THOC7: variants seen among roughly 807,000 people sequenced by gnomAD.
THOC7 encodes the protein NIF3L1-binding protein 1.
A neutral mutation model predicts 33.1 loss-of-function variants in THOC7; 22 were observed. The ratio of observed to expected loss-of-function variants is 0.66; its 90% CI spans 0.47 to 0.95. The LOEUF is 0.95. Ranked by LOEUF, THOC7 falls within the 40% of genes least tolerant of loss-of-function variation. The pLI is 0.00. For missense variants in THOC7, 184 were observed against 245.3 expected, an observed-to-expected ratio of 0.75 and a Z score of 1.67; for synonymous variants, 77 against 76.8, an observed-to-expected ratio of 1.00 and a Z score of -0.01.
At chr3:63,864,250 G>T (rs1190457188), upstream of THOC7, among the ~76,000 whole-genome samples, 1 of 151,084 alleles carries the variant, frequency 6.6e-6, no homozygotes, top group African/African-American at 2.4e-5. Flanking sequence ...CCCCGGGAAG[G>T]TGACTGCGGC....
Position 63,838,412 on chromosome 3 carries a change from G to C in THOC7, c.225C>G (p.Leu75=), listed in dbSNP as rs753381899. 3.2e-6 allele frequency: 5 copies of C among 1,581,394 alleles called. No individual in the cohort carries two copies. The East Asian group carries it at 9.0e-5, about 29-fold the overall frequency. ...GKTLLVYDMN[L]REMENYEKIY... is the part of the protein sequence containing the mutation. ...TTTTTTCATAATTTTCCATTTCTCT[G>C]AGATTCATATCATATACTAGTAAAG... The change falls in exon 3 of 8, where the codon CTC becomes CTG. Residue 75 remains leucine (L), a synonymous_variant. Coordinates refer to ENST00000295899, the MANE Select transcript of THOC7 (RefSeq NM_025075.4).
chr3:63,838,526 TAAAG>T, intron 2 of THOC7, 27 bp from the exon 3 acceptor site: 1 of 1,575,538 alleles, frequency 6.3e-7, no homozygotes. Context: ...AAAACCAAAA[TAAAG>T]ATATTTGTGG....
At chr3:63,846,820 G>A (rs1489451874) in intron 1 of THOC7, among the ~76,000 whole-genome samples, 1 of 152,122 alleles carries the variant, frequency 6.6e-6, no homozygotes, top group Non-Finnish European at 1.5e-5. Context: ...ATAGTCTCCT[G>A]AGAATTCTAT....
intron 1 of THOC7, chr3:63,854,797 A>C (rs1478136332): frequency 6.6e-6 from 1 of 152,248 alleles, no homozygotes; most frequent in African/African-American, 2.4e-5. Flanking sequence ...TCACGAGGTC[A>C]GGAGATCGAG....
At chr3:63,864,154 G>T (rs1166127625), upstream of THOC7, among the ~76,000 whole-genome samples, 3 of 149,284 alleles carry the variant, frequency 2.0e-5, no homozygotes, top group East Asian at 2.1e-4. Context: ...GCAGCCAGCC[G>T]CCAGGTGAGC....
chr3:63,835,498 CT>C, intron 5 of THOC7, 108 bp from the exon 6 acceptor site: 1 of 977,858 alleles, frequency 1.0e-6, no homozygotes. Context: ...AAAAAAAGGG[CT>C]TATAAGGAGT....
intron 1 of THOC7, among the ~76,000 whole-genome samples, chr3:63,846,889 G>A (rs1235751681): frequency 6.6e-6 from 1 of 152,164 alleles, no homozygotes; most frequent in Non-Finnish European, 1.5e-5. Context: ...CCAAAAGACT[G>A]CAAATTACAG....
chr3:63,850,529 T>C (rs1349456625), intron 1 of THOC7, among the ~76,000 whole-genome samples: 1 of 150,130 alleles, frequency 6.7e-6, no homozygotes, highest in Non-Finnish European at 1.5e-5. Flanking sequence ...AGTCATGGGA[T>C]ACTAGATTAC....
At chr3:63,845,707 C>T (rs145973952) in intron 1 of THOC7, among the ~76,000 whole-genome samples, 24 of 152,178 alleles carry the variant, frequency 1.6e-4, no homozygotes, top group East Asian at 3.9e-4. Context: ...TTGGTCAAGG[C>T]GATCTCAAAG....
rs751573300 is a variant in THOC7, at chr3:63,835,345, A to C, written c.456T>G (p.Ile152Met). The change falls in exon 6 of 8, where the codon ATT becomes ATG. Residue 152 changes from isoleucine to methionine, a missense_variant. Ile to Met is a conservative substitution (Grantham distance 10, BLOSUM62 1). This residue lies in a region of THOC7 where 157 missense variants were observed against 201.3 expected (regional missense o/e 0.78). Transcript: ENST00000295899. ...LGKELEHLSH[I>M]KESVEDKLEL... ...ATACCTTATCTTCAACACTTTCTTT[A>C]ATGTGTGAAAGATGCTCTAATTCTT... is the stretch of plus-strand genomic sequence containing the variant. 3.7e-6 allele frequency: 6 copies of C among 1,613,430 alleles called. No homozygotes were observed. The African/African-American group carries it at 8.0e-5, about 22-fold the overall frequency.
At chr3:63,845,430 C>T (rs976611825) in intron 1 of THOC7, among the ~76,000 whole-genome samples, 8 of 152,068 alleles carry the variant, frequency 5.3e-5, no homozygotes, top group African/African-American at 1.2e-4. Flanking sequence ...GACAGAAATA[C>T]GGGTTGCATC....
intron 1 of THOC7, chr3:63,861,119 T>C (rs924808517): frequency 2.0e-5 from 3 of 152,214 alleles, no homozygotes; most frequent in African/African-American, 7.2e-5. Context: ...CTTTTTGTGT[T>C]TAATCCTCAA....
intron 4 of THOC7, among the ~76,000 whole-genome samples, chr3:63,837,737 A>G (rs1229939849): frequency 1.3e-5 from 2 of 152,106 alleles, no homozygotes; most frequent in African/African-American, 2.4e-5. Flanking sequence ...TAAGAAAAAA[A>G]AAGAGAAAAA....
intron 1 of THOC7, among the ~76,000 whole-genome samples, chr3:63,856,305 CAT>C (rs992690631): frequency 4.0e-5 from 6 of 151,710 alleles, no homozygotes; most frequent in African/African-American, 7.3e-5. Flanking sequence ...AGTACAAAAA[CAT>C]AGAGTGAATA....
intron 1 of THOC7, among the ~76,000 whole-genome samples, chr3:63,840,166 TG>T (rs1485207728): frequency 1.3e-5 from 2 of 152,166 alleles, no homozygotes; most frequent in Admixed American, 6.5e-5. Context: ...GAGAACCTTT[TG>T]TGAAATAACC....
chr3:63,838,431 A>ATGG lies in THOC7; in HGVS notation c.205_206insCCA (p.Leu69delinsProIle). On this transcript the variant is annotated protein_altering_variant, in exon 3 of 8. Transcript: ENST00000295899. ...TTCTCTGAGATTCATATCATATACT[A>ATGG]GTAAAGTTTTGCCCATTGAAAATTC... The ATGG allele has an allele frequency of 6.2e-7, 1 of 1,606,036 alleles. No individual in the cohort carries two copies. Among genetic ancestry groups the ATGG allele is most frequent in the East Asian group, 2.2e-5 (1 of 44,660 alleles).
upstream of THOC7, among the ~76,000 whole-genome samples, chr3:63,864,137 G>A (rs2107181102): frequency 6.8e-6 from 1 of 147,068 alleles, no homozygotes; most frequent in Middle Eastern, 3.5e-3. Context: ...AGGCCGCCCC[G>A]GAGGCCGCAG....
rs150718882 is a variant in THOC7, at chr3:63,841,515, A to C, written c.20-1742T>G. Among the ~76,000 whole-genome samples the C allele has an allele frequency of 4.0e-3, 615 of 152,348 alleles. 4 individuals carry two copies. The highest frequency in any genetic ancestry group is 0.014 in the African/African-American group (568 of 41,590). ...CTGTGTGTAGGCAGAAGTATTTTTG[A>C]GCGCAGGTGCAGCGGAGATAAACTT... On this transcript the variant is annotated intron_variant, in intron 1 of 7. Transcript: ENST00000295899.
Position 63,854,994 on chromosome 3 carries a change from C to G in THOC7, c.19+8778G>C, listed in dbSNP as rs370664581. On this transcript the variant is annotated intron_variant, in intron 1 of 7. Coordinates refer to ENST00000295899, the MANE Select transcript of THOC7 (RefSeq NM_025075.4). ...CTGCACTCCAGCCTGGGCGACAGAG[C>G]GAGACTCCGTCTCAAAAAAAAAAAA... Among the ~76,000 whole-genome samples, 26 of 148,362 alleles carry G rather than the reference C, an allele frequency of 1.8e-4. No homozygotes were observed. In the East Asian group the frequency reaches 1.8e-3, roughly 10 times the overall value.
Sources: gnomAD v4.1 joint callset for allele counts (sites outside exome capture counted in the v4.1 genomes callset) on GRCh38, gnomAD v4.1.1 for gene constraint, gnomAD v4.1.1 regional missense constraint, MANE v1.5 for transcripts, NCBI Gene and HGNC (gene_info 2026-07-23, HGNC 2026-07-21) for gene names.